Variants in PPIL6 observed in about 807,000 individuals in gnomAD.
The protein encoded by PPIL6 is peptidylprolyl isomerase like 6, also known as probable inactive peptidyl-prolyl cis-trans isomerase-like 6.
In PPIL6, 39 loss-of-function variants were observed where a neutral mutation model predicts 36.8. The observed-to-expected ratio is 1.06, with a 90% CI of 0.82 to 1.38. The LOEUF (loss-of-function observed/expected upper bound fraction) is 1.38. Among genes scored for constraint, PPIL6 ranks in the 40% most tolerant of loss-of-function variants. PPIL6 has a pLI of 0.00. For synonymous variants in PPIL6, 123 were observed against 134.1 expected (o/e 0.92, Z 0.57); for missense variants, 368 against 379.1 (o/e 0.97, Z 0.24).
chr6:109,427,968 C>G (rs1300510235), intron 3 of PPIL6, among the ~76,000 whole-genome samples: 1 of 152,202 alleles, frequency 6.6e-6, no homozygotes, highest in Non-Finnish European at 1.5e-5. Flanking sequence ...CAGGCCACAT[C>G]TGTTCTGAGT....
chr6:109,417,491 C>A (rs1276504714), intron 6 of PPIL6, among the ~76,000 whole-genome samples: 1 of 151,812 alleles, frequency 6.6e-6, no homozygotes, highest in African/African-American at 2.4e-5. Flanking sequence ...GCATGTCTTT[C>A]TAGGGTACAT....
chr6:109,425,259 C>A lies in PPIL6; in HGVS notation c.631+1588G>T, dbSNP rs1345062618. Among the ~76,000 whole-genome samples, 4 of 152,188 alleles carry A rather than the reference C, an allele frequency of 2.6e-5. No individual in the cohort carries two copies. The South Asian group carries it at 6.2e-4, about 24-fold the overall frequency. ...AGAGCTTGGATTTGAATCTAGCAAT[C>A]CAACTTTTTCCCAAGCCGTCCTTAA... On this transcript the variant is annotated intron_variant, in intron 5 of 7. Transcript: ENST00000521072.
intron 7 of PPIL6, among the ~76,000 whole-genome samples, chr6:109,393,778 C>A (rs969474052): frequency 6.6e-6 from 1 of 152,142 alleles, no homozygotes; most frequent in African/African-American, 2.4e-5. Flanking sequence ...ATTACTCCCC[C>A]ACCCCTACCC....
At chr6:109,427,073 A>C in intron 4 of PPIL6, 21 bp downstream of exon 4, 1 of 1,601,548 alleles carries the variant, frequency 6.2e-7, no homozygotes, top group Non-Finnish European at 8.6e-7. Flanking sequence ...CCACAAACTT[A>C]CATATAAAAA....
At chr6:109,430,097 G>A (rs1427303536) in intron 3 of PPIL6, among the ~76,000 whole-genome samples, 1 of 152,198 alleles carries the variant, frequency 6.6e-6, no homozygotes, top group East Asian at 1.9e-4. Context: ...AATCAAACAT[G>A]CACTGAGCAC....
chr6:109,431,201 C>T lies in PPIL6; in HGVS notation c.376G>A (p.Ala126Thr), dbSNP rs763721663. The part of the protein sequence containing the change: ...VDIKPSALYD[A>T]LTEDFSAKFL... ...TTAGCGGAAAAATCCTCAGTGAGTG[C>T]GTCATAAAGTGCAGAGGGTTTAATG... The change falls in exon 3 of 8, where the codon GCA becomes ACA. Residue 126 changes from alanine (A) to threonine (T), a missense_variant. Ala to Thr is a moderately conservative substitution (Grantham distance 58, BLOSUM62 0). Coordinates refer to ENST00000521072, the MANE Select transcript of PPIL6 (RefSeq NM_173672.5). 41 of 1,612,248 alleles carry T rather than the reference C, an allele frequency of 2.5e-5. 1 individual carries two copies. In the South Asian group the frequency reaches 2.6e-4, roughly 10 times the overall value.
At chr6:109,423,262 G>A (rs1293089809) in intron 5 of PPIL6, among the ~76,000 whole-genome samples, 1 of 152,156 alleles carries the variant, frequency 6.6e-6, no homozygotes, top group Non-Finnish European at 1.5e-5. Context: ...AGTTACTCGG[G>A]AGGCTGAGGC....
intron 6 of PPIL6, chr6:109,403,225 C>T (rs1772638707): frequency 1.7e-6 from 1 of 585,920 alleles, no homozygotes. Flanking sequence ...CCTGCCTCAA[C>T]CTCCTGAGTA....
chr6:109,425,898 C>T (rs545084756), intron 5 of PPIL6, among the ~76,000 whole-genome samples: 75 of 152,022 alleles, frequency 4.9e-4, no homozygotes, highest in Non-Finnish European at 1.0e-3. Flanking sequence ...TCTAAATGTT[C>T]ACCAATGGGG....
At chr6:109,412,813 A>G (rs956305177) in intron 6 of PPIL6, among the ~76,000 whole-genome samples, 1 of 152,218 alleles carries the variant, frequency 6.6e-6, no homozygotes, top group African/African-American at 2.4e-5. Flanking sequence ...AACTCTCTGG[A>G]CAAATGGGAT....
chr6:109,392,820 T>C lies in PPIL6; in HGVS notation c.*6A>G, dbSNP rs1772143493. ...TAAATTATCACAGAAAATATTGATA[T>C]GAAAATCAAGCATAAGGATCTCCAC... On this transcript the variant is annotated 3_prime_UTR_variant, in exon 8 of 8. Transcript: ENST00000521072. 1.4e-6 allele frequency: 2 copies of C among 1,412,314 alleles called. No individual in the cohort carries two copies. The highest frequency in any genetic ancestry group is 2.9e-5 in the African/African-American group (2 of 69,448). 87.5% of individuals were successfully genotyped at this position (1,412,314 alleles called of 1,614,324 possible). A position where few individuals can be genotyped will look rare whatever the true frequency, so the allele number is the denominator to read the frequency against.
intron 2 of PPIL6, among the ~76,000 whole-genome samples, chr6:109,433,464 T>C (rs1582598739): frequency 6.6e-6 from 1 of 152,236 alleles, no homozygotes; most frequent in Admixed American, 6.5e-5. Context: ...AGGCTAAAGA[T>C]GTAAATGCCT....
At chr6:109,393,114 TATCCAGGGCCATC>T (rs1231876792) in intron 7 of PPIL6, among the ~76,000 whole-genome samples, 177 bp from the exon 8 acceptor site, 1 of 152,198 alleles carries the variant, frequency 6.6e-6, no homozygotes, top group Non-Finnish European at 1.5e-5. Context: ...ACACCTGCAG[TATCCAGGGCCATC>T]ATCCAGGCAG....
intron 3 of PPIL6, 101 bp downstream of exon 3, chr6:109,431,055 CT>C: frequency 1.2e-6 from 1 of 863,582 alleles, no homozygotes; most frequent in Non-Finnish European, 1.8e-6. Flanking sequence ...TAGTCTCCTA[CT>C]TTTTTATAAT....
chr6:109,398,658 A>G, intron 7 of PPIL6, among the ~76,000 whole-genome samples: 1 of 152,224 alleles, frequency 6.6e-6, no homozygotes, highest in East Asian at 1.9e-4. Flanking sequence ...AATAATAACT[A>G]TTACCTGTGA....
At chr6:109,397,926 C>T (rs1772365886) in intron 7 of PPIL6, among the ~76,000 whole-genome samples, 2 of 151,520 alleles carry the variant, frequency 1.3e-5, no homozygotes, top group South Asian at 4.2e-4. Context: ...GGTGTCTCAC[C>T]CTGTCGTCAG....
At chr6:109,405,372 TA>T (rs1298667038) in intron 6 of PPIL6, among the ~76,000 whole-genome samples, 1 of 152,240 alleles carries the variant, frequency 6.6e-6, no homozygotes, top group Non-Finnish European at 1.5e-5. Context: ...GTTATGCTTT[TA>T]AGCTTCTTTT....
upstream of PPIL6, chr6:109,441,100 G>C (rs752300310): frequency 7.4e-6 from 12 of 1,613,860 alleles, no homozygotes; most frequent in Non-Finnish European, 1.0e-5. Context: ...GAGCCGCCTA[G>C]CGCCCCTGGA....
chr6:109,406,385 G>A (rs749167573), intron 6 of PPIL6, among the ~76,000 whole-genome samples: 1 of 151,930 alleles, frequency 6.6e-6, no homozygotes, highest in Non-Finnish European at 1.5e-5. Context: ...CACATATGTC[G>A]CAATACAACA....
Sources: allele counts gnomAD v4.1 joint callset (sites outside exome capture counted in the v4.1 genomes callset), GRCh38; gene constraint gnomAD v4.1.1; transcripts MANE v1.5; gene names NCBI Gene and HGNC (gene_info 2026-07-23, HGNC 2026-07-21).